ADGRE2: variants seen among roughly 807,000 people sequenced by gnomAD.
The protein encoded by ADGRE2 is CD97 antigen.
A neutral mutation model predicts 100.8 loss-of-function variants in ADGRE2; 83 were observed. The observed-to-expected ratio is 0.82, with a 90% CI of 0.69 to 0.99. ADGRE2 has a LOEUF of 0.99. Ranked by LOEUF, ADGRE2 falls within the 50% of genes least tolerant of loss-of-function variation. The pLI is 0.00. For synonymous variants in ADGRE2, 355 were observed against 413.0 expected (o/e 0.86, Z 1.70); for missense variants, 814 against 1,035.7 (o/e 0.79, Z 2.94).
chr19:14,757,155 G>A (rs555423688), intron 11 of ADGRE2, among the ~76,000 whole-genome samples: 1 of 152,200 alleles, frequency 6.6e-6, no homozygotes, highest in East Asian at 1.9e-4. Flanking sequence ...CTCCCACCTT[G>A]GTGGCCTCTG....
At chr19:14,763,218 C>CT in intron 11 of ADGRE2, among the ~76,000 whole-genome samples, 1 of 152,068 alleles carries the variant, frequency 6.6e-6, no homozygotes, top group Non-Finnish European at 1.5e-5. Context: ...TGGCGGGCAC[C>CT]TGTAGTCCCA....
chr19:14,770,513 C>T (rs1002286037), intron 5 of ADGRE2, among the ~76,000 whole-genome samples: 7 of 151,870 alleles, frequency 4.6e-5, no homozygotes, highest in Non-Finnish European at 5.9e-5. Flanking sequence ...GACCCATGAC[C>T]ACCACGTACA....
chr19:14,776,661 C>T (rs1428878280), intron 2 of ADGRE2, 65 bp downstream of exon 2: 4 of 1,543,956 alleles, frequency 2.6e-6, no homozygotes, highest in Non-Finnish European at 3.5e-6. Context: ...GTTTCTCAGA[C>T]GCATCCAAGG....
At chr19:14,757,177 C>T (rs573822194) in intron 11 of ADGRE2, among the ~76,000 whole-genome samples, 13 of 152,184 alleles carry the variant, frequency 8.5e-5, no homozygotes, top group East Asian at 7.7e-4. Context: ...CAATATTGGG[C>T]GTGAGCCACT....
At chr19:14,773,319 TC>T (rs2044291643) in intron 4 of ADGRE2, among the ~76,000 whole-genome samples, 1 of 125,686 alleles carries the variant, frequency 8.0e-6, no homozygotes, top group Non-Finnish European at 1.7e-5. Context: ...CCTCCCTCCC[TC>T]CCTCCCTCCT....
rs528470177 is a variant in ADGRE2, at chr19:14,761,629, C to T, written c.1084+2804G>A. ...CATAGGCAAGCAAGCTGGAAGCCTG[C>T]ACAGGTGAATGCTGGCAGCTGTGCC... On this transcript the variant is annotated intron_variant, in intron 11 of 20. Transcript: ENST00000315576. Among the ~76,000 whole-genome samples the T allele has an allele frequency of 1.6e-4, 24 of 152,026 alleles. No individual in the cohort carries two copies. The South Asian group carries it at 5.0e-3, about 32-fold the overall frequency.
chr19:14,736,696 A>C (rs1252764802), intron 20 of ADGRE2, among the ~76,000 whole-genome samples: 43 of 143,452 alleles, frequency 3.0e-4, no homozygotes, highest in East Asian at 1.8e-3. Flanking sequence ...ATAGATATTT[A>C]GAAATATATA....
At position 14,755,755 on chromosome 19, in the gene ADGRE2, C is replaced by G. The variant is rs2043479448; in HGVS notation, c.1315G>C (p.Asp439His). The change falls in exon 13 of 21, where the codon GAC (aspartate) becomes CAC (histidine). Residue 439 changes from aspartate (D) to histidine (H), a missense_variant. By Grantham distance (81) the Asp-to-His change is moderately conservative. Around this residue, in one of 5 missense-constraint regions of ADGRE2, gnomAD observed 569 missense variants for 692.7 expected, o/e 0.82. Coordinates refer to ENST00000315576, the MANE Select transcript of ADGRE2 (RefSeq NM_013447.4). ...TCTGAGAGCAGGATGGGGGAGCCGTCCTGCAGCAAGCCCTGGTGTGTCTCA... is the reference window on the plus strand; with the variant it reads ...TCTGAGAGCAGGATGGGGGAGCCGTGCTGCAGCAAGCCCTGGTGTGTCTCA... ...LHETHQGLLQ[D>H]GSPILLSDVI... 1.2e-6 allele frequency: 2 copies of G among 1,614,200 alleles called. No individual in the cohort carries two copies. Among genetic ancestry groups the G allele is most frequent in the Non-Finnish European group, 1.7e-6 (2 of 1,180,040 alleles).
intron 11 of ADGRE2, among the ~76,000 whole-genome samples, chr19:14,761,122 G>A (rs528412189): frequency 6.6e-5 from 10 of 152,328 alleles, no homozygotes; most frequent in Admixed American, 1.3e-4. Context: ...CAAGTTGCGG[G>A]GGCAGGCGTG....
chr19:14,765,871 C>T (rs1442949614), intron 7 of ADGRE2, 67 bp from the exon 8 acceptor site: 54 of 1,610,918 alleles, frequency 3.4e-5, no homozygotes, highest in Admixed American at 2.5e-4. Flanking sequence ...CCTGTCTGTG[C>T]CCCCAGCTCG....
chr19:14,746,863 G>A lies in ADGRE2; in HGVS notation c.2091+33C>T, dbSNP rs1267425656. On this transcript the variant is annotated intron_variant, in intron 17 of 20. Transcript: ENST00000315576. ...CTTGTTTTTCTAATGACCCTCAGCG[G>A]GGCAGCGAGGATGCTCAGATGATGT... 4 of 1,595,620 alleles carry A rather than the reference G, an allele frequency of 2.5e-6. No individual in the cohort carries two copies. In the African/African-American group the frequency reaches 4.0e-5, roughly 16 times the overall value.
rs951311769 is a variant in ADGRE2 at position 14,767,129 on chromosome 19, G to A, written c.356-20C>T. ...CCACATCTGCAAGAGGAAGGAGAGGGTGAAGAATGCCCGTAGCTGTGAGCA... is the reference window on the plus strand; with the variant it reads ...CCACATCTGCAAGAGGAAGGAGAGGATGAAGAATGCCCGTAGCTGTGAGCA... On this transcript the variant is annotated intron_variant, in intron 5 of 20. Coordinates refer to ENST00000315576, the MANE Select transcript of ADGRE2 (RefSeq NM_013447.4). 9 of 1,606,360 alleles carry A rather than the reference G, an allele frequency of 5.6e-6. No individual in the cohort carries two copies. In the African/African-American group the frequency reaches 6.7e-5, roughly 12 times the overall value.
At chr19:14,754,460 T>TATCTATC (rs1033143314) in intron 14 of ADGRE2, among the ~76,000 whole-genome samples, 1 of 147,110 alleles carries the variant, frequency 6.8e-6, no homozygotes, top group African/African-American at 2.6e-5. Flanking sequence ...TCTATCTATC[T>TATCTATC]ATCTATCTAT....
At position 14,752,365 on chromosome 19, in the gene ADGRE2, G is replaced by T; in HGVS notation, c.1752C>A (p.Leu584=). 1 of 1,614,212 alleles carries T rather than the reference G, an allele frequency of 6.2e-7. No homozygotes were observed. Among genetic ancestry groups the T allele is most frequent in the South Asian group, 1.1e-5 (1 of 91,086 alleles). The stretch of plus-strand genomic sequence containing the variant: ...TTTGATCAATTGCCACGAGGAAGAG[G>T]AGGTGGGCCAGGAAGAGGCAGAGCG... ...QLSLCLFLAH[L]LFLVAIDQTG... Residue 584 remains leucine (L), a synonymous_variant, in exon 15 of 21, where the codon CTC becomes CTA. Transcript: ENST00000315576.
rs915289218 is a variant in ADGRE2 at position 14,764,604 on chromosome 19, A to T, written c.913T>A (p.Leu305Ile). 1.2e-6 allele frequency: 2 copies of T among 1,611,572 alleles called. No individual in the cohort carries two copies. Among genetic ancestry groups the T allele is most frequent in the South Asian group, 2.2e-5 (2 of 91,006 alleles). Residue 305 changes from leucine to isoleucine, a missense_variant, in exon 11 of 21, where the codon TTA (leucine) becomes ATA (isoleucine). Around this residue, in one of 5 missense-constraint regions of ADGRE2, gnomAD observed 569 missense variants for 692.7 expected, o/e 0.82. Coordinates refer to ENST00000315576, the MANE Select transcript of ADGRE2 (RefSeq NM_013447.4). ...TCCAGCAGCTCATCCAGCGCCTGTA[A>T]GATGCTCTGGAGGGATGTGGACACA... is the stretch of plus-strand genomic sequence containing the variant. ...GLANNTIQSILQALDELLEAP... is the reference protein window; with the variant it reads ...GLANNTIQSIIQALDELLEAP...
chr19:14,731,105 A>T, downstream of ADGRE2: 1 of 1,099,438 alleles, frequency 9.1e-7, no homozygotes, highest in Non-Finnish European at 1.3e-6. Context: ...CCCCCCAAGG[A>T]TTGGCCCCTT....
At chr19:14,727,185 G>C in the ADGRE2 span, among the ~76,000 whole-genome samples, 1 of 151,872 alleles carries the variant, frequency 6.6e-6, no homozygotes, top group Admixed American at 6.6e-5. Flanking sequence ...CCGCCACCAC[G>C]CCTGGCTAAT....
rs2043440222 is a variant in ADGRE2, at chr19:14,755,020, G to A, written c.1524C>T (p.Thr508=). The A allele has an allele frequency of 6.2e-7, 1 of 1,614,122 alleles. No homozygotes were observed. The highest frequency in any genetic ancestry group is 8.5e-7 in the Non-Finnish European group (1 of 1,180,036). ...TGCSTIGTRD[T]STICRCTHLS... ...GGTGGGTGCAACGGCAGATGGTGCT[G>A]GTGTCTCTGGTGCCTATTGTGCTGC... is the stretch of plus-strand genomic sequence containing the variant. Residue 508 remains threonine (T), a synonymous_variant, in exon 14 of 21, where the codon ACC becomes ACT. Transcript: ENST00000315576.
chr19:14,754,586 A>G (rs1294794275), intron 14 of ADGRE2, among the ~76,000 whole-genome samples: 1 of 152,166 alleles, frequency 6.6e-6, no homozygotes, highest in Non-Finnish European at 1.5e-5. Flanking sequence ...CCAGATAGGA[A>G]TGCTAGAAGT....
Sources: gnomAD v4.1 joint callset for allele counts (sites outside exome capture counted in the v4.1 genomes callset) on GRCh38, gnomAD v4.1.1 for gene constraint, gnomAD v4.1.1 regional missense constraint, MANE v1.5 for transcripts, NCBI Gene and HGNC (gene_info 2026-07-23, HGNC 2026-07-21) for gene names.